The following AKAP6 variants were observed in gnomAD, a reference collection of about 807,000 sequenced individuals.
AKAP6 encodes the protein A-kinase anchoring protein 6.
AKAP6 carries 58 observed loss-of-function variants against 188.5 expected under a neutral mutation model. That is an observed-to-expected ratio of 0.31 (90% confidence interval 0.25 to 0.38). The LOEUF (loss-of-function observed/expected upper bound fraction) is 0.38, where lower values mean the gene tolerates loss of function less well. Among genes scored for constraint, AKAP6 ranks in the 10% least tolerant of loss-of-function variants. The pLI is 1.00. For missense variants in AKAP6, 2,710 were observed against 2,740.0 expected, an observed-to-expected ratio of 0.99 and a Z score of 0.24; for synonymous variants, 989 against 998.6, an observed-to-expected ratio of 0.99 and a Z score of 0.18.
At chr14:32,729,990 G>A (rs1257791632) in intron 9 of AKAP6, among the ~76,000 whole-genome samples, 1 of 152,050 alleles carries the variant, frequency 6.6e-6, no homozygotes, top group African/African-American at 2.4e-5. Flanking sequence ...TGATAGAGCT[G>A]GCAGTTGATT....
chr14:32,435,351 C>G (rs763043145), intron 2 of AKAP6, among the ~76,000 whole-genome samples: 1 of 152,082 alleles, frequency 6.6e-6, no homozygotes, highest in Non-Finnish European at 1.5e-5. Context: ...TTGTTAAGGG[C>G]TATTAAAAAC....
intron 2 of AKAP6, among the ~76,000 whole-genome samples, chr14:32,481,896 C>T (rs1345092551): frequency 2.6e-5 from 4 of 152,186 alleles, no homozygotes; most frequent in Non-Finnish European, 1.5e-5. Flanking sequence ...GTTTCCACTT[C>T]CTCTTTTCTC....
chr14:32,680,451 A>T (rs929159744), intron 8 of AKAP6, among the ~76,000 whole-genome samples: 2 of 152,196 alleles, frequency 1.3e-5, no homozygotes. Flanking sequence ...AATGATACAT[A>T]AACTTCATTA....
intron 9 of AKAP6, chr14:32,726,122 A>G: frequency 2.1e-6 from 2 of 937,946 alleles, no homozygotes; most frequent in Non-Finnish European, 2.5e-6. Context: ...TTCCCACACT[A>G]GAAAATAGTT....
intron 13 of AKAP6, among the ~76,000 whole-genome samples, chr14:32,828,603 T>C (rs940374903): frequency 2.6e-5 from 4 of 151,420 alleles, no homozygotes; most frequent in African/African-American, 9.7e-5. Context: ...CCTCAGCCAA[T>C]TGGCCTGCCC....
chr14:32,785,649 GC>G (rs2033378169), intron 12 of AKAP6, among the ~76,000 whole-genome samples: 2 of 152,088 alleles, frequency 1.3e-5, no homozygotes, highest in Admixed American at 1.3e-4. Flanking sequence ...TAAATATAAG[GC>G]TCTTTGAGTG....
chr14:32,337,081 A>G (rs750584545), intron 1 of AKAP6, among the ~76,000 whole-genome samples: 2 of 152,114 alleles, frequency 1.3e-5, no homozygotes, highest in Non-Finnish European at 2.9e-5. Context: ...ACCTTTTAAA[A>G]CTCCTATTAG....
intron 9 of AKAP6, among the ~76,000 whole-genome samples, chr14:32,712,091 A>G (rs1173616825): frequency 2.0e-5 from 3 of 152,044 alleles, no homozygotes; most frequent in Non-Finnish European, 1.5e-5. Flanking sequence ...CCTAAGAGAT[A>G]TTGCAAGTTC....
At chr14:32,518,721 G>A (rs936634485) in intron 2 of AKAP6, among the ~76,000 whole-genome samples, 5 of 152,174 alleles carry the variant, frequency 3.3e-5, no homozygotes, top group African/African-American at 1.2e-4. Flanking sequence ...ACGTCTGATT[G>A]GTGTACCTGA....
rs1435268643 is a variant in AKAP6 at position 32,568,240 on chromosome 14, G to C, written c.2347-8880G>C. ...GACTTTGTGGGAACAAATCTGGTTA[G>C]AGAGAGAATATAGCACAGTAGTCCA... On this transcript the variant is annotated intron_variant, in intron 4 of 13. Transcript: ENST00000280979. This position sits in a 1 kb window ranked among gnomAD's most constrained non-coding sequence, Gnocchi z 6.2. Among the ~76,000 whole-genome samples the C allele has an allele frequency of 1.3e-5, 2 of 152,126 alleles. No homozygotes were observed. The highest frequency in any genetic ancestry group is 2.9e-5 in the Non-Finnish European group (2 of 68,012).
intron 12 of AKAP6, among the ~76,000 whole-genome samples, chr14:32,815,660 AC>A (rs2034359137): frequency 6.6e-6 from 1 of 152,180 alleles, no homozygotes; most frequent in African/African-American, 2.4e-5. Context: ...AGATTAGTCA[AC>A]CAACCTCCAG....
intron 2 of AKAP6, among the ~76,000 whole-genome samples, chr14:32,437,877 G>A (rs1436588913): frequency 6.6e-6 from 1 of 152,120 alleles, no homozygotes; most frequent in Non-Finnish European, 1.5e-5. Flanking sequence ...TGGCATTACA[G>A]GCGTGGCCTT....
At chr14:32,681,458 C>G (rs1889672662) in intron 8 of AKAP6, among the ~76,000 whole-genome samples, 1 of 152,042 alleles carries the variant, frequency 6.6e-6, no homozygotes, top group Non-Finnish European at 1.5e-5. Context: ...CACTCTTTGC[C>G]CTCTCTGTAA....
At chr14:32,500,295 C>T (rs1250129290) in intron 2 of AKAP6, among the ~76,000 whole-genome samples, 1 of 152,156 alleles carries the variant, frequency 6.6e-6, no homozygotes, top group Non-Finnish European at 1.5e-5. Context: ...TAACCCATGA[C>T]CTGTTCATTT....
At chr14:32,814,551 C>A (rs1950214) in intron 12 of AKAP6, among the ~76,000 whole-genome samples, 35,467 of 151,956 alleles carry the variant, frequency 0.23, 4,438 homozygotes, top group East Asian at 0.35. Context: ...GTTTTTGAGG[C>A]TATTAGCTTT....
chr14:32,648,606 G>A (rs1888079669), intron 7 of AKAP6, among the ~76,000 whole-genome samples: 1 of 152,158 alleles, frequency 6.6e-6, no homozygotes, highest in South Asian at 2.1e-4. Context: ...AATCAGTGCT[G>A]TAGAAAAGCA....
In AKAP6 at chr14:32,821,956, C is replaced by T; in HGVS notation, c.4143C>T (p.Cys1381=). The T allele has an allele frequency of 2.5e-6, 4 of 1,613,938 alleles. No individual in the cohort carries two copies. Among genetic ancestry groups the T allele is most frequent in the Non-Finnish European group, 3.4e-6 (4 of 1,179,932 alleles). ...DTETTTNSEM[C]LLNAVDGSPS... ...AAACCACTACCAACTCTGAAATGTG[C>T]TTGCTCAATGCAGTGGATGGGTCCC... is the stretch of plus-strand genomic sequence containing the variant. Residue 1381 remains cysteine (C), a synonymous_variant, in exon 13 of 14, where the codon TGC becomes TGT. Coordinates refer to ENST00000280979, the MANE Select transcript of AKAP6 (RefSeq NM_004274.5).
intron 7 of AKAP6, among the ~76,000 whole-genome samples, chr14:32,675,043 A>G (rs909248095): frequency 6.6e-6 from 1 of 152,310 alleles, no homozygotes; most frequent in South Asian, 2.1e-4. Context: ...GCTCTCTCCC[A>G]TGGCATTCAC....
At chr14:32,433,018 G>T in intron 1 of AKAP6, 1 of 160,780 alleles carries the variant, frequency 6.2e-6, no homozygotes, top group Non-Finnish European at 1.4e-5. Flanking sequence ...GAAAGTAGAA[G>T]GGCATAAAGG....
Sources: gnomAD v4.1 joint callset for allele counts (sites outside exome capture counted in the v4.1 genomes callset) on GRCh38, gnomAD v4.1.1 for gene constraint, Gnocchi (gnomAD v3.1) non-coding constraint, MANE v1.5 for transcripts, NCBI Gene and HGNC (gene_info 2026-07-23, HGNC 2026-07-21) for gene names.